SPATA17: variants seen among roughly 807,000 people sequenced by gnomAD.
SPATA17 encodes the protein spermatogenesis-associated protein 17.
Under a neutral mutation model 62.2 loss-of-function variants are expected in SPATA17, and 53 were observed. The ratio of observed to expected loss-of-function variants is 0.85; its 90% CI spans 0.68 to 1.07. The LOEUF (loss-of-function observed/expected upper bound fraction) is 1.07, where lower values mean the gene tolerates loss of function less well. Ranked by LOEUF, SPATA17 falls within the 50% of genes least tolerant of loss-of-function variation. SPATA17 has a pLI of 0.00. For missense variants in SPATA17, 466 were observed against 425.5 expected, an observed-to-expected ratio of 1.10 and a Z score of -0.84; for synonymous variants, 146 against 146.8, an observed-to-expected ratio of 0.99 and a Z score of 0.04.
At chr1:217,647,538 A>G (rs1411080463) in intron 1 of SPATA17, among the ~76,000 whole-genome samples, 1 of 152,172 alleles carries the variant, frequency 6.6e-6, no homozygotes, top group Non-Finnish European at 1.5e-5. Flanking sequence ...GACCATCGTT[A>G]AATAATTTTT....
chr1:217,793,715 A>G (rs1379016212), intron 8 of SPATA17, among the ~76,000 whole-genome samples: 1 of 152,214 alleles, frequency 6.6e-6, no homozygotes, highest in Admixed American at 6.5e-5. Context: ...CGAGTCAGTC[A>G]AGAAACAGAG....
At chr1:217,864,252 T>C (rs1675956207) in intron 10 of SPATA17, among the ~76,000 whole-genome samples, 1 of 152,198 alleles carries the variant, frequency 6.6e-6, no homozygotes, top group South Asian at 2.1e-4. Context: ...CTTCAGCTTT[T>C]AACTCAAAGA....
chr1:217,694,881 T>G (rs1671421156), intron 5 of SPATA17, among the ~76,000 whole-genome samples: 1 of 141,228 alleles, frequency 7.1e-6, no homozygotes, highest in Non-Finnish European at 1.5e-5. Flanking sequence ...CTGATGGGCT[T>G]CCCTTTGAGG....
intron 9 of SPATA17, among the ~76,000 whole-genome samples, chr1:217,838,990 T>G (rs536839955): frequency 1.3e-5 from 2 of 152,128 alleles, no homozygotes; most frequent in South Asian, 4.2e-4. Context: ...AGAGGCTATT[T>G]AAAAATTCTA....
intron 9 of SPATA17, among the ~76,000 whole-genome samples, chr1:217,804,460 G>C (rs561205404): frequency 1.3e-5 from 2 of 152,198 alleles, no homozygotes; most frequent in South Asian, 4.1e-4. Context: ...TAGGAAAAAA[G>C]CTTCTTGACA....
chr1:217,680,579 A>G (rs1321546367), intron 4 of SPATA17, among the ~76,000 whole-genome samples: 1 of 152,140 alleles, frequency 6.6e-6, no homozygotes, highest in Non-Finnish European at 1.5e-5. Flanking sequence ...TTTGAAAGAC[A>G]CTTTGAATAC....
chr1:217,748,400 T>G (rs111937983), intron 6 of SPATA17, among the ~76,000 whole-genome samples: 183 of 151,796 alleles, frequency 1.2e-3, no homozygotes, highest in African/African-American at 4.3e-3. Context: ...TTTAAAAAAA[T>G]TATTTTAATT....
chr1:217,763,694 G>A (rs933934320), intron 6 of SPATA17, among the ~76,000 whole-genome samples: 5 of 152,188 alleles, frequency 3.3e-5, no homozygotes, highest in African/African-American at 1.2e-4. Flanking sequence ...AAGCACTTCG[G>A]TAAAGATATT....
chr1:217,700,182 T>C (rs145279754), intron 5 of SPATA17, among the ~76,000 whole-genome samples: 1 of 152,322 alleles, frequency 6.6e-6, no homozygotes, highest in Non-Finnish European at 1.5e-5. Flanking sequence ...AATAAGGTTA[T>C]ATATGTCTAC....
intron 3 of SPATA17, among the ~76,000 whole-genome samples, chr1:217,667,571 A>G (rs1670727766): frequency 6.6e-6 from 1 of 152,170 alleles, no homozygotes. Context: ...ACGGCCACAC[A>G]GCTGTTAAAA....
intron 8 of SPATA17, among the ~76,000 whole-genome samples, chr1:217,787,338 C>T (rs1673895316): frequency 1.3e-5 from 2 of 152,080 alleles, no homozygotes; most frequent in African/African-American, 4.8e-5. Flanking sequence ...TTTATTGCCT[C>T]TAGGATAAAG....
At chr1:217,670,984 A>T (rs1571720456) in intron 4 of SPATA17, among the ~76,000 whole-genome samples, 1 of 150,576 alleles carries the variant, frequency 6.6e-6, no homozygotes. Flanking sequence ...AAATCCCCAC[A>T]CCCTTTTCTG....
intron 6 of SPATA17, among the ~76,000 whole-genome samples, chr1:217,768,181 G>T (rs1270051071): frequency 6.6e-6 from 1 of 152,016 alleles, no homozygotes; most frequent in African/African-American, 2.4e-5. Flanking sequence ...GGAGGCGGAG[G>T]TTGCAGTGAG....
chr1:217,721,405 C>T (rs527806426), intron 5 of SPATA17, among the ~76,000 whole-genome samples: 8 of 152,162 alleles, frequency 5.3e-5, no homozygotes, highest in East Asian at 3.9e-4. Flanking sequence ...TCATTCTTGT[C>T]CCTAGGAGTT....
chr1:217,681,714 T>G (rs1671089340), intron 4 of SPATA17, among the ~76,000 whole-genome samples: 2 of 152,116 alleles, frequency 1.3e-5, no homozygotes, highest in South Asian at 4.1e-4. Flanking sequence ...ATATCTTAAA[T>G]TGTAAATGAT....
chr1:217,863,475 G>T (rs11117953), intron 10 of SPATA17, among the ~76,000 whole-genome samples: 5 of 151,826 alleles, frequency 3.3e-5, no homozygotes, highest in East Asian at 1.9e-4. Context: ...TACACAATAC[G>T]GTGAAAAAAT....
intron 8 of SPATA17, among the ~76,000 whole-genome samples, chr1:217,792,697 AG>A (rs1376692083): frequency 6.6e-6 from 1 of 152,148 alleles, no homozygotes; most frequent in African/African-American, 2.4e-5. Flanking sequence ...ACAATAAATA[AG>A]GGTTAAGTTA....
chr1:217,696,664 G>A (rs541990679), intron 5 of SPATA17, among the ~76,000 whole-genome samples: 1 of 152,054 alleles, frequency 6.6e-6, no homozygotes, highest in Admixed American at 6.5e-5. Context: ...TATTGTTCTG[G>A]TTGTTTGTAT....
chr1:217,766,445 G>A (rs1476468267), intron 6 of SPATA17, among the ~76,000 whole-genome samples: 1 of 151,560 alleles, frequency 6.6e-6, no homozygotes, highest in East Asian at 1.9e-4. Flanking sequence ...CCACTTCATA[G>A]GTAGTACAAG....
Sources: allele counts gnomAD v4.1 joint callset (sites outside exome capture counted in the v4.1 genomes callset), GRCh38; gene constraint gnomAD v4.1.1; transcripts MANE v1.5; gene names NCBI Gene and HGNC (gene_info 2026-07-23, HGNC 2026-07-21).